TSHZ2: variants seen among roughly 807,000 people sequenced by gnomAD.
TSHZ2 encodes teashirt homolog 2.
A neutral mutation model predicts 74.4 loss-of-function variants in TSHZ2; 21 were observed. The observed-to-expected ratio is 0.28, with a 90% CI of 0.20 to 0.41. The LOEUF (loss-of-function observed/expected upper bound fraction) is 0.41, where lower values mean the gene tolerates loss of function less well. Among genes scored for constraint, TSHZ2 ranks in the 10% least tolerant of loss-of-function variants. The probability of loss-of-function intolerance (pLI) is 1.00; values close to 1 mark genes in which losing one functional copy is unlikely to be tolerated. For missense variants in TSHZ2, 1,244 were observed against 1,293.5 expected, an observed-to-expected ratio of 0.96 and a Z score of 0.59; for synonymous variants, 540 against 515.3, an observed-to-expected ratio of 1.05 and a Z score of -0.65.
At chr20:53,013,258 G>A (rs1982920733) in intron 1 of TSHZ2, among the ~76,000 whole-genome samples, 1 of 152,234 alleles carries the variant, frequency 6.6e-6, no homozygotes, top group South Asian at 2.1e-4. Context: ...GAGAAGTAAA[G>A]GCTTCCCAAC....
intron 2 of TSHZ2, among the ~76,000 whole-genome samples, chr20:53,385,777 G>A (rs1399622507): frequency 1.3e-5 from 2 of 152,128 alleles, no homozygotes; most frequent in Non-Finnish European, 2.9e-5. Context: ...ATAACAACGA[G>A]GAACAAAGCC....
chr20:53,225,474 C>T (rs916890965), intron 1 of TSHZ2, among the ~76,000 whole-genome samples: 1 of 152,164 alleles, frequency 6.6e-6, no homozygotes, highest in Non-Finnish European at 1.5e-5. Context: ...ATTGGAAGGC[C>T]AGAGCTTCCC....
chr20:53,318,507 A>C (rs1196604075), intron 2 of TSHZ2, among the ~76,000 whole-genome samples: 12 of 152,134 alleles, frequency 7.9e-5, no homozygotes, highest in Admixed American at 1.3e-4. Flanking sequence ...GCAGCATATC[A>C]CTCCCAAACT....
chr20:53,129,751 C>T (rs1382462976), intron 1 of TSHZ2, among the ~76,000 whole-genome samples: 2 of 152,060 alleles, frequency 1.3e-5, no homozygotes, highest in South Asian at 2.1e-4. Context: ...AGTGGCTCTG[C>T]GTGTCTTCTC....
At chr20:53,257,863 T>C (rs887361536) in intron 2 of TSHZ2, among the ~76,000 whole-genome samples, 1 of 152,158 alleles carries the variant, frequency 6.6e-6, no homozygotes, top group Non-Finnish European at 1.5e-5. Context: ...CCACACCCTA[T>C]TGTCAGAGCA....
chr20:53,419,738 C>A (rs1983399359), intron 2 of TSHZ2, among the ~76,000 whole-genome samples: 1 of 152,186 alleles, frequency 6.6e-6, no homozygotes, highest in African/African-American at 2.4e-5. Flanking sequence ...CAACAAGTGG[C>A]ACTACTCTAA....
chr20:53,172,369 C>T (rs772683714), intron 1 of TSHZ2, among the ~76,000 whole-genome samples: 5 of 152,118 alleles, frequency 3.3e-5, no homozygotes, highest in Non-Finnish European at 5.9e-5. Flanking sequence ...TTTAAAAATG[C>T]CTGCTATGTC....
At chr20:53,316,326 A>G (rs1250877616) in intron 2 of TSHZ2, among the ~76,000 whole-genome samples, 1 of 152,198 alleles carries the variant, frequency 6.6e-6, no homozygotes, top group Non-Finnish European at 1.5e-5. Context: ...ACAAAGATGA[A>G]TAATAACAAT....
At chr20:53,463,219 G>A (rs1409056851) in intron 2 of TSHZ2, among the ~76,000 whole-genome samples, 1 of 152,142 alleles carries the variant, frequency 6.6e-6, no homozygotes, top group Non-Finnish European at 1.5e-5. Context: ...AAGGAACTTA[G>A]TCTATCTAGA....
chr20:53,448,449 G>A (rs1434381256), intron 2 of TSHZ2, among the ~76,000 whole-genome samples: 1 of 152,166 alleles, frequency 6.6e-6, no homozygotes, highest in Non-Finnish European at 1.5e-5. Flanking sequence ...AGTCCTGAGG[G>A]TTGGTTTCCT....
intron 1 of TSHZ2, among the ~76,000 whole-genome samples, chr20:53,237,046 T>A (rs1417838363): frequency 6.6e-6 from 1 of 152,184 alleles, no homozygotes; most frequent in Non-Finnish European, 1.5e-5. Context: ...TCTGGAAGCC[T>A]AAGATTCCTC....
chr20:53,168,522 T>A (rs1452773983), intron 1 of TSHZ2: 2 of 152,240 alleles, frequency 1.3e-5, no homozygotes, highest in Admixed American at 6.5e-5. Context: ...TGATGAATAC[T>A]GGAAAAATTG....
chr20:53,442,325 T>C (rs986777007), intron 2 of TSHZ2, among the ~76,000 whole-genome samples: 2 of 152,164 alleles, frequency 1.3e-5, no homozygotes, highest in Non-Finnish European at 2.9e-5. Flanking sequence ...GCTGTGTCTG[T>C]TGCTTTGGAC....
chr20:53,471,510 AGAT>A (rs1985798473), intron 2 of TSHZ2, among the ~76,000 whole-genome samples: 1 of 152,240 alleles, frequency 6.6e-6, no homozygotes, highest in South Asian at 2.1e-4. Context: ...GGTTCATGCA[AGAT>A]GATAACAAAA....
chr20:53,039,078 G>A (rs901749460), intron 1 of TSHZ2, among the ~76,000 whole-genome samples: 6 of 151,656 alleles, frequency 4.0e-5, no homozygotes, highest in African/African-American at 1.5e-4. Flanking sequence ...TAGAGACAGG[G>A]TTTCTCCGTG....
At chr20:53,453,646 G>T (rs912240222) in intron 2 of TSHZ2, among the ~76,000 whole-genome samples, 1 of 152,176 alleles carries the variant, frequency 6.6e-6, no homozygotes, top group African/African-American at 2.4e-5. Context: ...GTAGGGAGCC[G>T]CTGGCTCTCC....
chr20:53,279,497 C>G (rs1991013357), intron 2 of TSHZ2, among the ~76,000 whole-genome samples: 1 of 152,228 alleles, frequency 6.6e-6, no homozygotes, highest in South Asian at 2.1e-4. Context: ...ATCAGGCCCA[C>G]AGGCAACAGT....
chr20:53,291,458 G>A (rs996660753), intron 2 of TSHZ2, among the ~76,000 whole-genome samples: 8 of 132,006 alleles, frequency 6.1e-5, no homozygotes, highest in Non-Finnish European at 9.3e-5. Context: ...GGACGATAGA[G>A]CAAGACTCTG....
At chr20:53,140,897 C>G (rs1987381931) in intron 1 of TSHZ2, among the ~76,000 whole-genome samples, 2 of 152,160 alleles carry the variant, frequency 1.3e-5, no homozygotes. Flanking sequence ...ACTCCAGGGT[C>G]TTTCCCAAAC....
Sources: allele counts gnomAD v4.1 joint callset (sites outside exome capture counted in the v4.1 genomes callset), GRCh38; gene constraint gnomAD v4.1.1; transcripts MANE v1.5; gene names NCBI Gene and HGNC (gene_info 2026-07-23, HGNC 2026-07-21).